The following UBR1 variants were observed in gnomAD, a reference collection of about 807,000 sequenced individuals.
The protein encoded by UBR1 is E3 ubiquitin-protein ligase UBR1.
Under a neutral mutation model 242.1 loss-of-function variants are expected in UBR1, and 102 were observed. That is an observed-to-expected ratio of 0.42 (90% CI 0.36 to 0.50). The LOEUF (loss-of-function observed/expected upper bound fraction) is 0.50. Ranked by LOEUF, UBR1 falls within the 20% of genes least tolerant of loss-of-function variation. The pLI is 0.01. For synonymous variants in UBR1, 675 were observed against 684.8 expected, an observed-to-expected ratio of 0.99 and a Z score of 0.22; for missense variants, 1,772 against 2,101.8, an observed-to-expected ratio of 0.84 and a Z score of 3.07.
In UBR1 at chr15:43,043,354, A is replaced by T. The variant is rs2033443162; in HGVS notation, c.1710T>A (p.Ala570=). ...LLVAYKECHK[A]VMRCSTSFIS... ...TGAAACTGGTACTGCACCTCATCAC[A>T]GCTTTGTGACATTCTTTATAAGCCA... Residue 570 remains alanine, a synonymous_variant, in exon 15 of 47, where the codon GCT becomes GCA. Coordinates refer to ENST00000290650, the MANE Select transcript of UBR1 (RefSeq NM_174916.3). 6.2e-7 allele frequency: 1 copy of T among 1,613,986 alleles called. No individual in the cohort carries two copies. Among genetic ancestry groups the T allele is most frequent in the Admixed American group, 1.7e-5 (1 of 59,964 alleles).
intron 27 of UBR1, among the ~76,000 whole-genome samples, chr15:43,018,285 G>A (rs1414125397): frequency 6.6e-6 from 1 of 152,156 alleles, no homozygotes; most frequent in African/African-American, 2.4e-5. Flanking sequence ...ACAGGCATGA[G>A]CCATCGCGCC....
chr15:43,068,104 AAAAG>A, intron 5 of UBR1, 68 bp from the exon 6 acceptor site: 1 of 1,222,434 alleles, frequency 8.2e-7, no homozygotes. Flanking sequence ...AAAAAAAAAA[AAAAG>A]ACAAAATTAA....
intron 29 of UBR1, among the ~76,000 whole-genome samples, chr15:43,012,637 A>T (rs1200942681): frequency 6.6e-6 from 1 of 152,192 alleles, no homozygotes; most frequent in Non-Finnish European, 1.5e-5. Flanking sequence ...TATTGTCAGT[A>T]GTTTCTTTCT....
intron 20 of UBR1, among the ~76,000 whole-genome samples, chr15:43,031,651 C>T (rs952931232): frequency 3.2e-4 from 48 of 152,106 alleles, no homozygotes; most frequent in African/African-American, 1.1e-3. Flanking sequence ...CAGCTAGAAT[C>T]CCCAACTAAA....
chr15:43,047,466 C>T (rs1248654409), intron 13 of UBR1, among the ~76,000 whole-genome samples, 177 bp from the exon 14 acceptor site: 8 of 152,146 alleles, frequency 5.3e-5, no homozygotes, highest in Admixed American at 6.5e-5. Context: ...GAACATTAAC[C>T]GCAAAGCCCA....
intron 3 of UBR1, among the ~76,000 whole-genome samples, chr15:43,076,407 C>G (rs897285272): frequency 2.0e-5 from 3 of 152,038 alleles, no homozygotes; most frequent in Non-Finnish European, 4.4e-5. Context: ...GCCACCCCGT[C>G]TGGGAAGTGA....
At chr15:43,000,878 G>A (rs1006375858) in intron 32 of UBR1, among the ~76,000 whole-genome samples, 4 of 152,242 alleles carry the variant, frequency 2.6e-5, no homozygotes, top group African/African-American at 9.6e-5. Context: ...CTGTCGCCCA[G>A]GCTGGAGTGC....
intron 46 of UBR1, among the ~76,000 whole-genome samples, chr15:42,948,635 A>C (rs2031777682): frequency 1.3e-5 from 2 of 151,848 alleles, no homozygotes; most frequent in African/African-American, 2.4e-5. Context: ...ATGAACAGAC[A>C]CTTCTCAAAA....
Position 43,007,110 on chromosome 15 carries a change from C to G in UBR1, c.3384G>C (p.Gln1128His). The G allele has an allele frequency of 6.2e-7, 1 of 1,614,072 alleles. No homozygotes were observed. Among genetic ancestry groups the G allele is most frequent in the Non-Finnish European group, 8.5e-7 (1 of 1,180,014 alleles). Residue 1128 changes from glutamine (Q) to histidine (H), a missense_variant, in exon 30 of 47, where the codon CAG becomes CAC. Gln to His is a conservative substitution (Grantham distance 24). Coordinates refer to ENST00000290650, the MANE Select transcript of UBR1 (RefSeq NM_174916.3). ...AGAGTTCTATGGGTTTTCCCCTGTGCTGGGTTAAGGCAGTAGATTTCTGGA... is the reference window on the plus strand; with the variant it reads ...AGAGTTCTATGGGTTTTCCCCTGTGGTGGGTTAAGGCAGTAGATTTCTGGA... ...ACVQKSTALT[Q>H]HRGKPIELSG...
chr15:43,060,219 C>T (rs1402372824), intron 6 of UBR1, 105 bp from the exon 7 acceptor site: 5 of 1,059,818 alleles, frequency 4.7e-6, no homozygotes, highest in African/African-American at 3.1e-5. Context: ...GCTCTAATCG[C>T]GTGTTGACTA....
At chr15:42,968,825 T>C (rs978880766) in intron 40 of UBR1, among the ~76,000 whole-genome samples, 1 of 152,162 alleles carries the variant, frequency 6.6e-6, no homozygotes, top group Admixed American at 6.5e-5. Flanking sequence ...GCTTCATCCA[T>C]ATCCCTGCAA....
At chr15:42,950,163 A>G in intron 46 of UBR1, 99 bp downstream of exon 46, 1 of 1,129,598 alleles carries the variant, frequency 8.9e-7, no homozygotes, top group Non-Finnish European at 1.3e-6. Context: ...TGATTAAAGA[A>G]CTATTACCGT....
intron 3 of UBR1, among the ~76,000 whole-genome samples, chr15:43,078,440 A>C (rs1399302654): frequency 6.6e-6 from 1 of 152,220 alleles, no homozygotes; most frequent in African/African-American, 2.4e-5. Context: ...AAGAACTGAC[A>C]GAAGAGAGCA....
At chr15:42,989,313 G>T (rs2032521133) in intron 34 of UBR1, among the ~76,000 whole-genome samples, 1 of 152,222 alleles carries the variant, frequency 6.6e-6, no homozygotes, top group Non-Finnish European at 1.5e-5. Context: ...CAGAGGAACA[G>T]ATCTAACCTA....
chr15:43,015,491 G>A lies in UBR1; in HGVS notation c.3209+197C>T, dbSNP rs530237397. 2.6e-5 allele frequency among the ~76,000 whole-genome samples: 4 copies of A among 152,178 alleles called. No homozygotes were observed. The East Asian group carries it at 7.7e-4, about 29-fold the overall frequency. On this transcript the variant is annotated intron_variant, in intron 29 of 46. Transcript: ENST00000290650. Reference sequence around the variant, plus strand: ...CCACTCCCTAATCTCAAGTACCCAGGGTCACAAACACTGCGGAAGGCCGCA... The same window carrying A: ...CCACTCCCTAATCTCAAGTACCCAGAGTCACAAACACTGCGGAAGGCCGCA...
intron 34 of UBR1, 69 bp downstream of exon 34, chr15:42,989,961 G>A: frequency 9.2e-7 from 1 of 1,081,082 alleles, no homozygotes; most frequent in Non-Finnish European, 1.4e-6. Flanking sequence ...AAAGATGGAA[G>A]CCTACACTGT....
chr15:43,034,964 T>C (rs2033312998), intron 19 of UBR1, among the ~76,000 whole-genome samples: 1 of 151,588 alleles, frequency 6.6e-6, no homozygotes, highest in East Asian at 1.9e-4. Context: ...TAAAAATGTG[T>C]CTTAACAAAA....
intron 15 of UBR1, among the ~76,000 whole-genome samples, chr15:43,038,602 A>C (rs969156625): frequency 4.6e-5 from 7 of 152,196 alleles, no homozygotes; most frequent in Non-Finnish European, 7.3e-5. Context: ...TTAAAAAAGA[A>C]AGAAAGAAAC....
intron 39 of UBR1, among the ~76,000 whole-genome samples, chr15:42,971,224 G>A (rs115143292): frequency 0.015 from 2,340 of 152,210 alleles, 61 homozygotes; most frequent in African/African-American, 0.053. Context: ...AGGAATCTAA[G>A]CCAGCAGATA....
Sources: allele counts gnomAD v4.1 joint callset (sites outside exome capture counted in the v4.1 genomes callset), GRCh38; gene constraint gnomAD v4.1.1; transcripts MANE v1.5; gene names NCBI Gene and HGNC (gene_info 2026-07-23, HGNC 2026-07-21).